ADGRL3: variants seen among roughly 807,000 people sequenced by gnomAD.
ADGRL3 encodes adhesion G protein-coupled receptor L3.
A neutral mutation model predicts 153.5 loss-of-function variants in ADGRL3; 62 were observed. The ratio of observed to expected loss-of-function variants is 0.40; its 90% CI spans 0.33 to 0.50. The LOEUF is 0.50. ADGRL3 is among the 20% of genes least tolerant of loss of function. ADGRL3 has a pLI of 0.47. For synonymous variants in ADGRL3, 710 were observed against 672.5 expected, an observed-to-expected ratio of 1.06 and a Z score of -0.86; for missense variants, 1,641 against 1,859.4, an observed-to-expected ratio of 0.88 and a Z score of 2.16.
intron 6 of ADGRL3, among the ~76,000 whole-genome samples, chr4:61,710,210 G>A (rs2095943473): frequency 6.6e-6 from 1 of 152,082 alleles, no homozygotes; most frequent in Admixed American, 6.6e-5. Flanking sequence ...TCTCCTTTGT[G>A]AAATCCTGTG....
intron 5 of ADGRL3, among the ~76,000 whole-genome samples, chr4:61,616,274 T>C (rs985320501): frequency 6.6e-6 from 1 of 152,166 alleles, no homozygotes; most frequent in Non-Finnish European, 1.5e-5. Context: ...AGTGTCTTAC[T>C]GAAAATATGT....
chr4:61,603,769 A>G (rs1579801221), intron 5 of ADGRL3, among the ~76,000 whole-genome samples: 2 of 152,058 alleles, frequency 1.3e-5, no homozygotes, highest in African/African-American at 4.8e-5. Flanking sequence ...GACATCTGGG[A>G]TTCAGTTTAA....
chr4:61,520,294 G>A (rs1484178787), intron 4 of ADGRL3, among the ~76,000 whole-genome samples: 1 of 152,100 alleles, frequency 6.6e-6, no homozygotes. Context: ...TTTTCAATCA[G>A]CATATTTCTT....
chr4:61,938,417 G>A (rs1237291040), intron 15 of ADGRL3, among the ~76,000 whole-genome samples: 1 of 152,104 alleles, frequency 6.6e-6, no homozygotes, highest in Non-Finnish European at 1.5e-5. Flanking sequence ...AGATAAGAAT[G>A]CTCTCTTCCA....
chr4:62,051,075 G>GTA (rs529763504), intron 25 of ADGRL3, among the ~76,000 whole-genome samples: 120 of 148,158 alleles, frequency 8.1e-4, no homozygotes, highest in Non-Finnish European at 1.3e-3. Context: ...CTGTGTGTGT[G>GTA]TATATATATA....
rs777102671 is a variant in ADGRL3, at chr4:61,893,877, C to CT, written c.1783+925dup. On this transcript the variant is annotated intron_variant, in intron 10 of 26. Transcript: ENST00000683033. ...CGCCCACCACCATGCCCGGCTAATT[C>CT]TTTTTTGTATTTTTAGTGGAGACAG... Among the ~76,000 whole-genome samples, 12 of 151,426 alleles carry CT rather than the reference C, an allele frequency of 7.9e-5. No homozygotes were observed. The East Asian group carries it at 2.3e-3, about 29-fold the overall frequency.
chr4:61,550,594 G>A (rs184127477), intron 4 of ADGRL3, among the ~76,000 whole-genome samples: 2 of 151,868 alleles, frequency 1.3e-5, no homozygotes, highest in African/African-American at 2.4e-5. Flanking sequence ...GGGGAGTGGT[G>A]AATCAGTGAT....
intron 21 of ADGRL3, among the ~76,000 whole-genome samples, chr4:62,006,483 G>T (rs1345882321): frequency 1.3e-5 from 2 of 151,618 alleles, no homozygotes; most frequent in Non-Finnish European, 2.9e-5. Context: ...TTGTTTTTTT[G>T]CAAGATAACT....
At position 61,726,199 on chromosome 4, in the gene ADGRL3, C is replaced by CTTTTTTTTTTTTTTTTTTTTTTTTTTT. The variant is rs1012113549; in HGVS notation, c.584-4413_584-4412insTTTTTTTTTTTTTTTTTTTTTTTTTTT. ...TGCTCAAGGGAAATACTCACTGGAA[C>CTTTTTTTTTTTTTTTTTTTTTTTTTTT]TTTTTTTTTTGTTTTTTGAGAAGGA... is the stretch of plus-strand genomic sequence containing the variant. On this transcript the variant is annotated intron_variant, in intron 6 of 26. Transcript: ENST00000683033. 3.6e-5 allele frequency among the ~76,000 whole-genome samples: 3 copies of CTTTTTTTTTTTTTTTTTTTTTTTTTTT among 82,924 alleles called. 1 individual carries two copies. The highest frequency in any genetic ancestry group is 5.0e-5 in the Non-Finnish European group (2 of 40,264). 54.4% of individuals were successfully genotyped at this position (82,924 alleles called of 152,430 possible). A position where few individuals can be genotyped will look rare whatever the true frequency, so the allele number is the denominator to read the frequency against.
intron 9 of ADGRL3, among the ~76,000 whole-genome samples, chr4:61,850,265 G>A (rs939971073): frequency 4.6e-5 from 7 of 152,030 alleles, no homozygotes; most frequent in Admixed American, 2.6e-4. Context: ...CAATTTATAG[G>A]TATAGACACT....
chr4:61,283,537 T>C (rs868078165), intron 1 of ADGRL3, among the ~76,000 whole-genome samples: 4 of 151,974 alleles, frequency 2.6e-5, no homozygotes, highest in African/African-American at 9.7e-5. Flanking sequence ...TGATCACAAA[T>C]TTTGTCACTA....
At chr4:61,632,975 T>C (rs996643482) in intron 5 of ADGRL3, among the ~76,000 whole-genome samples, 14 of 152,222 alleles carry the variant, frequency 9.2e-5, no homozygotes, top group Non-Finnish European at 1.8e-4. Context: ...ACATCTAATA[T>C]TTGAAAACTA....
At chr4:61,968,176 C>T (rs1185831683) in intron 17 of ADGRL3, among the ~76,000 whole-genome samples, 1 of 152,174 alleles carries the variant, frequency 6.6e-6, no homozygotes, top group Non-Finnish European at 1.5e-5. Flanking sequence ...AGATTCTAAA[C>T]AAGTTACAGC....
intron 5 of ADGRL3, among the ~76,000 whole-genome samples, chr4:61,656,428 C>T (rs866551722): frequency 6.6e-6 from 1 of 151,936 alleles, no homozygotes; most frequent in Non-Finnish European, 1.5e-5. Context: ...ATGCAATGGC[C>T]TCAAGAAGTC....
Position 62,070,934 on chromosome 4 carries a change from C to T in ADGRL3, c.*26C>T, listed in dbSNP as rs1745479553. 6.6e-7 allele frequency: 1 copy of T among 1,510,870 alleles called. No individual in the cohort carries two copies. 93.6% of individuals were successfully genotyped at this position (1,510,870 alleles called of 1,614,324 possible). On this transcript the variant is annotated 3_prime_UTR_variant, in exon 27 of 27. Coordinates refer to ENST00000683033, the MANE Select transcript of ADGRL3 (RefSeq NM_001387552.1). Reference sequence around the variant, plus strand: ...AAGATGACACAGAAATTGGAACCAACAAAACTGCTAACACCTTGTTGACTG... The same window carrying T: ...AAGATGACACAGAAATTGGAACCAATAAAACTGCTAACACCTTGTTGACTG...
chr4:61,649,416 G>A (rs976425077), intron 5 of ADGRL3, among the ~76,000 whole-genome samples: 6 of 151,954 alleles, frequency 3.9e-5, no homozygotes, highest in African/African-American at 1.2e-4. Flanking sequence ...GAACCTGTTC[G>A]CCTATTGCTT....
chr4:61,378,979 G>A (rs867345246), intron 1 of ADGRL3, among the ~76,000 whole-genome samples: 13 of 151,952 alleles, frequency 8.6e-5, no homozygotes, highest in African/African-American at 2.9e-4. Context: ...GGTAATATTC[G>A]TGAATTATAG....
intron 5 of ADGRL3, among the ~76,000 whole-genome samples, chr4:61,674,188 AGATAGAT>A (rs1445447738): frequency 2.9e-5 from 4 of 137,664 alleles, no homozygotes; most frequent in African/African-American, 1.1e-4. Flanking sequence ...ATAGATAGAT[AGATAGAT>A]GTGTATAGAC....
At chr4:61,419,739 T>G (rs189510882) in intron 2 of ADGRL3, among the ~76,000 whole-genome samples, 2 of 152,304 alleles carry the variant, frequency 1.3e-5, no homozygotes, top group African/African-American at 4.8e-5. Context: ...TTTTGATTGT[T>G]ATTTTCACAG....
Sources: gnomAD v4.1 joint callset for allele counts (sites outside exome capture counted in the v4.1 genomes callset) on GRCh38, gnomAD v4.1.1 for gene constraint, MANE v1.5 for transcripts, NCBI Gene and HGNC (gene_info 2026-07-23, HGNC 2026-07-21) for gene names.